The following FBXL17 variants were observed in gnomAD, a reference collection of about 807,000 sequenced individuals.
The protein encoded by FBXL17 is F-box/LRR-repeat protein 17.
FBXL17 carries 22 observed loss-of-function variants against 66.2 expected under a neutral mutation model. The ratio of observed to expected loss-of-function variants is 0.33; its 90% CI spans 0.24 to 0.47. FBXL17 has a LOEUF of 0.47. Ranked by LOEUF, FBXL17 falls within the 20% of genes least tolerant of loss-of-function variation. FBXL17 has a pLI of 1.00. For missense variants in FBXL17, 878 were observed against 948.2 expected (o/e 0.93, Z 0.97); for synonymous variants, 474 against 400.5 (o/e 1.18, Z -2.19).
intron 7 of FBXL17, among the ~76,000 whole-genome samples, chr5:107,916,040 G>C (rs1341451957): frequency 6.6e-6 from 1 of 152,098 alleles, no homozygotes; most frequent in Non-Finnish European, 1.5e-5. Context: ...CTTCTGATGG[G>C]GCAGTCTAAT....
intron 4 of FBXL17, among the ~76,000 whole-genome samples, chr5:108,244,060 T>TA (rs1449741939): frequency 1.3e-5 from 2 of 152,162 alleles, no homozygotes; most frequent in African/African-American, 4.8e-5. Flanking sequence ...CCTACCTATG[T>TA]AACTTTGCTT....
In FBXL17 at chr5:108,243,483, A is replaced by C. The variant is rs117032764; in HGVS notation, c.1507-19255T>G. On this transcript the variant is annotated intron_variant, in intron 4 of 8. Coordinates refer to ENST00000542267, the MANE Select transcript of FBXL17 (RefSeq NM_001163315.3). ...CACATACACATTTGTACAGTAGCTC[A>C]CTGAGATCAACAGGCAGGTGCAATT... 2.5e-4 allele frequency among the ~76,000 whole-genome samples: 38 copies of C among 152,306 alleles called. No individual in the cohort carries two copies. The East Asian group carries it at 7.1e-3, about 29-fold the overall frequency.
chr5:108,262,069 TA>T lies in FBXL17; in HGVS notation c.1507-37842del, dbSNP rs1431524907. On this transcript the variant is annotated intron_variant, in intron 4 of 8. Coordinates refer to ENST00000542267, the MANE Select transcript of FBXL17 (RefSeq NM_001163315.3). The stretch of plus-strand genomic sequence containing the variant: ...GTGATACATATTTTATTTATTTATT[TA>T]TTTATTTATTTATTTATTTTTTTTG... 5.6e-3 allele frequency among the ~76,000 whole-genome samples: 742 copies of T among 132,858 alleles called. 18 individuals are homozygous for T. Among genetic ancestry groups the T allele is most frequent in the African/African-American group, 0.022 (715 of 32,258 alleles). 87.2% of individuals were successfully genotyped at this position (132,858 alleles called of 152,430 possible).
At chr5:108,290,263 C>A (rs1387296767) in intron 4 of FBXL17, among the ~76,000 whole-genome samples, 1 of 152,110 alleles carries the variant, frequency 6.6e-6, no homozygotes, top group African/African-American at 2.4e-5. Context: ...AGCAAAGGCA[C>A]ACAATACTGG....
At chr5:108,158,391 A>G (rs566219297) in intron 6 of FBXL17, among the ~76,000 whole-genome samples, 76 of 152,282 alleles carry the variant, frequency 5.0e-4, no homozygotes, top group African/African-American at 1.7e-3. Context: ...TTAAAACCTC[A>G]AAAAAGGGGC....
intron 7 of FBXL17, among the ~76,000 whole-genome samples, chr5:107,975,857 G>GTTTTT (rs1554053909): frequency 1.3e-5 from 1 of 79,916 alleles, no homozygotes; most frequent in African/African-American, 4.5e-5. Flanking sequence ...TGTTGTTGTT[G>GTTTTT]TTTTTTTTTT....
intron 4 of FBXL17, among the ~76,000 whole-genome samples, chr5:108,265,430 C>A (rs927553632): frequency 3.9e-5 from 6 of 152,070 alleles, no homozygotes; most frequent in Non-Finnish European, 7.4e-5. Flanking sequence ...CAACAATTCC[C>A]ATAATATTAG....
chr5:107,991,218 A>C (rs1753230178), intron 7 of FBXL17, among the ~76,000 whole-genome samples: 2 of 152,220 alleles, frequency 1.3e-5, no homozygotes, highest in Admixed American at 6.5e-5. Context: ...CAGTGGTTAC[A>C]GGGGCAGAGA....
At chr5:107,904,236 C>T (rs913408262) in intron 7 of FBXL17, among the ~76,000 whole-genome samples, 5 of 152,090 alleles carry the variant, frequency 3.3e-5, no homozygotes, top group Non-Finnish European at 5.9e-5. Context: ...CACGATGGCA[C>T]CACAGACTTG....
chr5:108,083,240 CACACACACACAGAGAG>C (rs1317845387), intron 6 of FBXL17, among the ~76,000 whole-genome samples: 1 of 137,750 alleles, frequency 7.3e-6, no homozygotes, highest in Non-Finnish European at 1.5e-5. Flanking sequence ...CACACACACA[CACACACACACAGAGAG>C]AGAGATAGAC....
chr5:108,077,765 C>G (rs185446398), intron 6 of FBXL17, among the ~76,000 whole-genome samples: 3 of 152,080 alleles, frequency 2.0e-5, no homozygotes, highest in Middle Eastern at 3.4e-3. Context: ...TGGACTGAAT[C>G]CTGAATTGTT....
intron 5 of FBXL17, among the ~76,000 whole-genome samples, chr5:108,214,115 C>T (rs1754493735): frequency 1.3e-5 from 2 of 152,024 alleles, no homozygotes; most frequent in Non-Finnish European, 2.9e-5. Flanking sequence ...TATAATTGTT[C>T]TATTTTATTA....
chr5:108,311,965 G>A (rs1266665010), intron 4 of FBXL17, among the ~76,000 whole-genome samples: 1 of 152,092 alleles, frequency 6.6e-6, no homozygotes, highest in African/African-American at 2.4e-5. Context: ...TCCAGACCCT[G>A]ACCCCATCTC....
intron 6 of FBXL17, among the ~76,000 whole-genome samples, chr5:108,127,819 T>A (rs1341158535): frequency 1.3e-5 from 2 of 152,224 alleles, no homozygotes; most frequent in Admixed American, 1.3e-4. Flanking sequence ...AATTTTTTAA[T>A]ATGCTATGTA....
intron 6 of FBXL17, among the ~76,000 whole-genome samples, chr5:108,067,893 T>C (rs1712811130): frequency 6.6e-6 from 1 of 152,248 alleles, no homozygotes; most frequent in Admixed American, 6.5e-5. Flanking sequence ...AGTTACAGGC[T>C]AAGCACATCA....
intron 6 of FBXL17, among the ~76,000 whole-genome samples, chr5:108,165,894 A>G (rs1752398151): frequency 6.6e-6 from 1 of 152,206 alleles, no homozygotes; most frequent in Non-Finnish European, 1.5e-5. Flanking sequence ...AGCACAGAAA[A>G]TGGGAACAAC....
chr5:107,919,634 T>G (rs1197216782), intron 7 of FBXL17, among the ~76,000 whole-genome samples: 1 of 152,126 alleles, frequency 6.6e-6, no homozygotes, highest in Non-Finnish European at 1.5e-5. Flanking sequence ...TGAATCATCC[T>G]CCTGTCCCAT....
At chr5:108,129,179 G>A (rs72789285) in intron 6 of FBXL17, among the ~76,000 whole-genome samples, 9 of 152,066 alleles carry the variant, frequency 5.9e-5, no homozygotes, top group Non-Finnish European at 1.2e-4. Flanking sequence ...GATGGAGCAC[G>A]TGAATTAAAA....
chr5:108,120,906 C>T (rs1015846217), intron 6 of FBXL17, among the ~76,000 whole-genome samples: 1 of 152,100 alleles, frequency 6.6e-6, no homozygotes, highest in Non-Finnish European at 1.5e-5. Flanking sequence ...TCCTTAATCA[C>T]AATATGTATT....
Sources: gnomAD v4.1 joint callset for allele counts (sites outside exome capture counted in the v4.1 genomes callset) on GRCh38, gnomAD v4.1.1 for gene constraint, MANE v1.5 for transcripts, NCBI Gene and HGNC (gene_info 2026-07-23, HGNC 2026-07-21) for gene names.